The following PARN variants were observed in gnomAD, a reference collection of about 807,000 sequenced individuals.
The protein encoded by PARN is poly(A)-specific ribonuclease PARN.
Under a neutral mutation model 102.8 loss-of-function variants are expected in PARN, and 71 were observed. That is an observed-to-expected ratio of 0.69 (90% CI 0.57 to 0.84). PARN has a LOEUF of 0.84. Among genes scored for constraint, PARN ranks in the 40% least tolerant of loss-of-function variants. PARN has a pLI of 0.00. For missense variants in PARN, 782 were observed against 760.9 expected (o/e 1.03, Z -0.33); for synonymous variants, 261 against 252.9 (o/e 1.03, Z -0.30).
intron 22 of PARN, among the ~76,000 whole-genome samples, chr16:14,481,836 C>T (rs189866944): frequency 1.8e-3 from 268 of 152,188 alleles, no homozygotes; most frequent in Admixed American, 3.9e-3. Context: ...TTTGTAGTTT[C>T]ACAAAGATAC....
chr16:14,475,184 A>G lies in PARN; in HGVS notation c.1670+7454T>C, dbSNP rs192746926. Among the ~76,000 whole-genome samples, 123 of 152,372 alleles carry G rather than the reference A, an allele frequency of 8.1e-4. 1 individual carries two copies. The highest frequency in any genetic ancestry group is 2.8e-4 in the Non-Finnish European group (19 of 68,034). On this transcript the variant is annotated intron_variant, in intron 22 of 23. Coordinates refer to ENST00000437198, the MANE Select transcript of PARN (RefSeq NM_002582.4). ...AAAGAGCAAGTAACCAAAGGGCATG[A>G]CTGATTAAAATCTCTATCAGCACAA... is the stretch of plus-strand genomic sequence containing the variant.
intron 10 of PARN, 53 bp from the exon 11 acceptor site, chr16:14,604,279 A>G: frequency 8.5e-7 from 1 of 1,179,550 alleles, no homozygotes; most frequent in Non-Finnish European, 1.2e-6. Flanking sequence ...TTTTTTTTTG[A>G]GACAGAGTTT....
chr16:14,493,990 A>G lies in PARN; in HGVS notation c.1481-11163T>C, dbSNP rs562489585. On this transcript the variant is annotated intron_variant, in intron 21 of 23. Coordinates refer to ENST00000437198, the MANE Select transcript of PARN (RefSeq NM_002582.4). ...TCCAAACAAATACAGTTGACCCTCG[A>G]ACAATCTGTGTTTGAACTGCATGGG... Among the ~76,000 whole-genome samples, 7 of 152,368 alleles carry G rather than the reference A, an allele frequency of 4.6e-5. No individual in the cohort carries two copies. In the East Asian group the frequency reaches 1.3e-3, roughly 29 times the overall value.
intron 13 of PARN, among the ~76,000 whole-genome samples, chr16:14,588,651 G>A (rs1969997623): frequency 6.6e-6 from 1 of 152,132 alleles, no homozygotes; most frequent in Non-Finnish European, 1.5e-5. Flanking sequence ...AGCCGAGCGG[G>A]TGGATCACTT....
At chr16:14,449,521 G>A (rs540992994) in intron 22 of PARN, among the ~76,000 whole-genome samples, 1 of 152,266 alleles carries the variant, frequency 6.6e-6, no homozygotes, top group South Asian at 2.1e-4. Context: ...CCTCATAGAT[G>A]TAAACATCTT....
At chr16:14,563,609 C>T (rs894713204) in intron 18 of PARN, among the ~76,000 whole-genome samples, 1 of 151,736 alleles carries the variant, frequency 6.6e-6, no homozygotes, top group Admixed American at 6.6e-5. Context: ...GTCTATGTTG[C>T]CCAAGCAAGA....
At chr16:14,542,104 A>C (rs1420961070) in intron 21 of PARN, among the ~76,000 whole-genome samples, 1 of 151,882 alleles carries the variant, frequency 6.6e-6, no homozygotes, top group Admixed American at 6.6e-5. Context: ...TCCTGAGCTC[A>C]GGGGATCCTC....
At position 14,457,435 on chromosome 16, in the gene PARN, C is replaced by A; in HGVS notation, c.1671-10354G>T. ...TGGGAGAGGGGAGGATGTTGGACAA[C>A]CTATGCTCAGTTCAGAAGCCAAACC... On this transcript the variant is annotated intron_variant, in intron 22 of 23. Transcript: ENST00000437198. Among the ~76,000 whole-genome samples the A allele has an allele frequency of 1.3e-5, 2 of 152,064 alleles. 1 individual carries two copies.
At chr16:14,490,816 A>T (rs1476364018) in intron 21 of PARN, among the ~76,000 whole-genome samples, 1 of 152,184 alleles carries the variant, frequency 6.6e-6, no homozygotes, top group Admixed American at 6.5e-5. Context: ...AAGTTTGATC[A>T]AGTTTAAATT....
chr16:14,553,256 TAAAA>T (rs58411352), intron 20 of PARN, among the ~76,000 whole-genome samples: 10 of 117,466 alleles, frequency 8.5e-5, no homozygotes, highest in Middle Eastern at 4.2e-3. Flanking sequence ...TATTTCTATT[TAAAA>T]AAAAAAAAAA....
At chr16:14,523,652 A>C (rs1386406936) in intron 21 of PARN, among the ~76,000 whole-genome samples, 1 of 152,216 alleles carries the variant, frequency 6.6e-6, no homozygotes, top group Non-Finnish European at 1.5e-5. Context: ...ACTTATACAG[A>C]ATATGAAATG....
chr16:14,532,413 C>CA (rs966328635), intron 21 of PARN, among the ~76,000 whole-genome samples: 1 of 151,896 alleles, frequency 6.6e-6, no homozygotes, highest in Admixed American at 6.6e-5. Flanking sequence ...ATCTGTTTAA[C>CA]AAAGCACATC....
At chr16:14,472,217 C>G (rs1401161997) in intron 22 of PARN, among the ~76,000 whole-genome samples, 1 of 152,200 alleles carries the variant, frequency 6.6e-6, no homozygotes, top group Non-Finnish European at 1.5e-5. Context: ...ATGGTAAAAT[C>G]AATTTTCCTG....
At chr16:14,619,693 C>T (rs1972167199) in intron 5 of PARN, among the ~76,000 whole-genome samples, 1 of 151,802 alleles carries the variant, frequency 6.6e-6, no homozygotes, top group Admixed American at 6.6e-5. Flanking sequence ...CATTTCAGCC[C>T]AGGAGTTCAA....
intron 2 of PARN, 106 bp from the exon 3 acceptor site, chr16:14,628,357 A>G: frequency 6.1e-6 from 4 of 655,680 alleles, no homozygotes; most frequent in Non-Finnish European, 1.1e-5. Context: ...AATTAAGGTT[A>G]CTTGGAAGCA....
intron 22 of PARN, among the ~76,000 whole-genome samples, chr16:14,450,276 C>T (rs910653380): frequency 6.6e-6 from 1 of 152,134 alleles, no homozygotes; most frequent in Non-Finnish European, 1.5e-5. Context: ...GCAAACAAAT[C>T]CTGAACCCCT....
rs554449257 is a variant in PARN, at chr16:14,503,422, G to A, written c.1481-20595C>T. Among the ~76,000 whole-genome samples, 6 of 151,340 alleles carry A rather than the reference G, an allele frequency of 4.0e-5. No homozygotes were observed. In the South Asian group the frequency reaches 1.2e-3, roughly 31 times the overall value. ...TTTAGCAAAGGTGATAGAAACGCAC[G>A]TATCATGAATATGTCATGCAAGGAA... On this transcript the variant is annotated intron_variant, in intron 21 of 23. Coordinates refer to ENST00000437198, the MANE Select transcript of PARN (RefSeq NM_002582.4).
At chr16:14,561,138 T>G (rs1028865516) in intron 18 of PARN, among the ~76,000 whole-genome samples, 1 of 111,288 alleles carries the variant, frequency 9.0e-6, no homozygotes, top group Non-Finnish European at 1.8e-5. Flanking sequence ...GCCTAAGTGA[T>G]AAGAGCAAAA....
intron 21 of PARN, among the ~76,000 whole-genome samples, chr16:14,484,915 A>G (rs1963577399): frequency 6.6e-6 from 1 of 152,206 alleles, no homozygotes; most frequent in Non-Finnish European, 1.5e-5. Flanking sequence ...AAAGAAAAAA[A>G]AAACCCTCAA....
Sources: gnomAD v4.1 joint callset for allele counts (sites outside exome capture counted in the v4.1 genomes callset) on GRCh38, gnomAD v4.1.1 for gene constraint, MANE v1.5 for transcripts, NCBI Gene and HGNC (gene_info 2026-07-23, HGNC 2026-07-21) for gene names.